The following LAMA3 variants were observed in gnomAD, a reference collection of about 807,000 sequenced individuals.
LAMA3 encodes the protein laminin subunit alpha-3.
A neutral mutation model predicts 402.0 loss-of-function variants in LAMA3; 281 were observed. The ratio of observed to expected loss-of-function variants is 0.70; its 90% CI spans 0.63 to 0.77. The LOEUF is 0.77. Among genes scored for constraint, LAMA3 ranks in the 30% least tolerant of loss-of-function variants. LAMA3 has a pLI of 0.00. For synonymous variants in LAMA3, 1,431 were observed against 1,558.4 expected, an observed-to-expected ratio of 0.92 and a Z score of 1.93; for missense variants, 3,840 against 4,215.5, an observed-to-expected ratio of 0.91 and a Z score of 2.47.
At chr18:23,884,908 G>T in intron 41 of LAMA3, 55 bp downstream of exon 41, 1 of 1,398,470 alleles carries the variant, frequency 7.2e-7, no homozygotes, top group East Asian at 2.3e-5. Context: ...GAGGGCTGTG[G>T]GTGGGGCTGC....
At position 23,899,978 on chromosome 18, in the gene LAMA3, G is replaced by A. The variant is rs566337769; in HGVS notation, c.6004+523G>A. Reference sequence around the variant, plus strand: ...CAGTCTAAACATAAAATTTATTTACGTTTCATTTACATCTTATACACATAT... The same window carrying A: ...CAGTCTAAACATAAAATTTATTTACATTTCATTTACATCTTATACACATAT... On this transcript the variant is annotated intron_variant, in intron 47 of 74. Transcript: ENST00000313654. 1.1e-4 allele frequency among the ~76,000 whole-genome samples: 17 copies of A among 152,034 alleles called. 1 individual carries two copies. In the South Asian group the frequency reaches 1.5e-3, roughly 13 times the overall value.
rs200566538 is a variant in LAMA3 at position 23,864,841 on chromosome 18, C to T, written c.4641C>T (p.Gly1547=). Residue 1547 remains glycine, a synonymous_variant, in exon 36 of 75, where the codon GGC becomes GGT. Transcript: ENST00000313654. ...AAGCCAAGTCCTTTGGCTTGCCTGGCGACATGGTTCTTCTGGAAAAGAAGC... is the reference window on the plus strand; with the variant it reads ...AAGCCAAGTCCTTTGGCTTGCCTGGTGACATGGTTCTTCTGGAAAAGAAGC... The part of the protein sequence containing the change: ...TYQAKSFGLP[G]DMVLLEKKPD... 48 of 1,613,580 alleles carry T rather than the reference C, an allele frequency of 3.0e-5. No individual in the cohort carries two copies. The highest frequency in any genetic ancestry group is 9.3e-5 in the African/African-American group (7 of 74,898).
chr18:23,839,994 C>T lies in LAMA3; in HGVS notation c.3336+65C>T. 6.5e-7 allele frequency: 1 copy of T among 1,548,758 alleles called. No individual in the cohort carries two copies. The highest frequency in any genetic ancestry group is 8.9e-7 in the Non-Finnish European group (1 of 1,121,568). On this transcript the variant is annotated intron_variant, in intron 27 of 74. Transcript: ENST00000313654. The surrounding 1 kb of genome is among the most constrained non-coding windows in gnomAD (Gnocchi z 4.5). ...ACCTCTGAAGCAGCAGCATCCACAT[C>T]ACTTGGAAACTTGTCAGCAATGCAG...
intron 8 of LAMA3, among the ~76,000 whole-genome samples, chr18:23,769,631 G>T (rs2062152065): frequency 6.6e-6 from 1 of 152,156 alleles, no homozygotes; most frequent in Admixed American, 6.5e-5. Context: ...ATAGATAAAT[G>T]AAGGAACAGG....
intron 23 of LAMA3, among the ~76,000 whole-genome samples, chr18:23,832,214 G>C (rs919415726): frequency 6.6e-6 from 1 of 152,192 alleles, no homozygotes. Flanking sequence ...TTTGTGGTGG[G>C]GTAATGACAG....
chr18:23,943,980 T>G lies in LAMA3; in HGVS notation c.9210+9T>G. The G allele has an allele frequency of 6.2e-7, 1 of 1,613,096 alleles. No individual in the cohort carries two copies. Among genetic ancestry groups the G allele is most frequent in the Non-Finnish European group, 8.5e-7 (1 of 1,179,364 alleles). ...ATGGGAAATGGCACACGGTAAGAGCTGGGGCTGTGTCAGTATCTCCAGTTG... is the reference window on the plus strand; with the variant it reads ...ATGGGAAATGGCACACGGTAAGAGCGGGGGCTGTGTCAGTATCTCCAGTTG... On this transcript the variant is annotated intron_variant, in intron 69 of 74. Coordinates refer to ENST00000313654, the MANE Select transcript of LAMA3 (RefSeq NM_198129.4).
At chr18:23,732,399 A>T (rs1483210885) in intron 2 of LAMA3, among the ~76,000 whole-genome samples, 1 of 152,162 alleles carries the variant, frequency 6.6e-6, no homozygotes, top group Non-Finnish European at 1.5e-5. Flanking sequence ...TATGTTAGGG[A>T]CACACAGACT....
At chr18:23,837,359 GA>G in intron 25 of LAMA3, 3 of 407,952 alleles carry the variant, frequency 7.4e-6, no homozygotes, top group South Asian at 5.2e-5. Context: ...CTATTATAAA[GA>G]AAATGTCTTC....
chr18:23,880,659 A>G (rs530108970), intron 39 of LAMA3, among the ~76,000 whole-genome samples: 2 of 152,354 alleles, frequency 1.3e-5, no homozygotes, highest in South Asian at 4.1e-4. Flanking sequence ...CGGGCGAATC[A>G]TGAAGTCAGG....
Position 23,943,836 on chromosome 18 carries a change from G to A in LAMA3, c.9075G>A (p.Val3025=), listed in dbSNP as rs752951349. Reference sequence around the variant, plus strand: ...AGACAACATCCTCCAGAGGACTGGTGTTTCACACGGGCACTAAGAACTCCT... The same window carrying A: ...AGACAACATCCTCCAGAGGACTGGTATTTCACACGGGCACTAAGAACTCCT... The part of the protein sequence containing the change: ...DMQTTSSRGL[V]FHTGTKNSFM... The change falls in exon 69 of 75, where the codon GTG becomes GTA. Residue 3025 remains valine, a synonymous_variant. Coordinates refer to ENST00000313654, the MANE Select transcript of LAMA3 (RefSeq NM_198129.4). 14 of 1,614,004 alleles carry A rather than the reference G, an allele frequency of 8.7e-6. No individual in the cohort carries two copies. Among genetic ancestry groups the A allele is most frequent in the Non-Finnish European group, 1.1e-5 (13 of 1,179,862 alleles).
intron 7 of LAMA3, among the ~76,000 whole-genome samples, chr18:23,761,013 C>T (rs571812012): frequency 9.2e-5 from 14 of 152,242 alleles, no homozygotes; most frequent in South Asian, 2.1e-4. Context: ...GGGGCACAAG[C>T]GTTCGGACCA....
chr18:23,914,675 T>C (rs2081551694), intron 57 of LAMA3, 23 bp from the exon 58 acceptor site: 4 of 1,602,244 alleles, frequency 2.5e-6, no homozygotes, highest in East Asian at 4.5e-5. Flanking sequence ...TTTAACTTTA[T>C]TATCTAAATT....
chr18:23,832,422 G>A (rs1408772990), intron 23 of LAMA3, among the ~76,000 whole-genome samples: 2 of 152,162 alleles, frequency 1.3e-5, no homozygotes, highest in Non-Finnish European at 2.9e-5. Flanking sequence ...GCAGTTACGT[G>A]GTTCAGAGCC....
At chr18:23,915,769 G>A (rs1488161002) in intron 59 of LAMA3, among the ~76,000 whole-genome samples, 1 of 152,026 alleles carries the variant, frequency 6.6e-6, no homozygotes, top group African/African-American at 2.4e-5. Flanking sequence ...ACTTTGGGAG[G>A]TTGAGGTGGG....
intron 6 of LAMA3, 52 bp from the exon 7 acceptor site, chr18:23,758,344 A>C (rs1761125255): frequency 7.4e-7 from 1 of 1,351,628 alleles, no homozygotes; most frequent in African/African-American, 1.4e-5. Flanking sequence ...GGATCAACTG[A>C]TCCTCATCAA....
chr18:23,749,819 T>G (rs1218578715), intron 4 of LAMA3, among the ~76,000 whole-genome samples: 1 of 152,150 alleles, frequency 6.6e-6, no homozygotes, highest in African/African-American at 2.4e-5. Context: ...TGGTGATGTA[T>G]TTATAAAGTG....
chr18:23,852,884 CCCT>C (rs1220936472), intron 32 of LAMA3, among the ~76,000 whole-genome samples: 2 of 152,124 alleles, frequency 1.3e-5, no homozygotes, highest in Non-Finnish European at 2.9e-5. Context: ...TGAAAGGGCT[CCCT>C]CCTCCTCTCC....
intron 12 of LAMA3, among the ~76,000 whole-genome samples, chr18:23,806,548 G>C (rs915927482): frequency 8.5e-5 from 13 of 152,108 alleles, no homozygotes; most frequent in African/African-American, 2.9e-4. Context: ...AACATGGGTT[G>C]GGGGGTGCAG....
intron 1 of LAMA3, among the ~76,000 whole-genome samples, chr18:23,705,454 C>T (rs1190083377): frequency 1.3e-5 from 2 of 150,632 alleles, no homozygotes; most frequent in African/African-American, 4.9e-5. Flanking sequence ...ATGACATACA[C>T]ACACACACAC....
Sources: gnomAD v4.1 joint callset for allele counts (sites outside exome capture counted in the v4.1 genomes callset) on GRCh38, gnomAD v4.1.1 for gene constraint, Gnocchi (gnomAD v3.1) non-coding constraint, MANE v1.5 for transcripts, NCBI Gene and HGNC (gene_info 2026-07-23, HGNC 2026-07-21) for gene names.